The following UTRN variants were observed in gnomAD, a reference collection of about 807,000 sequenced individuals.
UTRN encodes the protein utrophin.
Under a neutral mutation model 463.9 loss-of-function variants are expected in UTRN, and 283 were observed. The ratio of observed to expected loss-of-function variants is 0.61; its 90% CI spans 0.55 to 0.67. The LOEUF (loss-of-function observed/expected upper bound fraction) is 0.67. Among genes scored for constraint, UTRN ranks in the 30% least tolerant of loss-of-function variants. The pLI, the probability that UTRN is intolerant of heterozygous loss-of-function variation, is 0.00. For synonymous variants in UTRN, 1,442 were observed against 1,431.5 expected (o/e 1.01, Z -0.17); for missense variants, 3,922 against 4,084.3 (o/e 0.96, Z 1.08).
intron 3 of UTRN, among the ~76,000 whole-genome samples, chr6:144,418,754 A>T (rs922209754): frequency 1.3e-5 from 2 of 150,748 alleles, no homozygotes; most frequent in African/African-American, 4.9e-5. Context: ...GGGTTTTGCC[A>T]CATTGGCCAG....
intron 51 of UTRN, among the ~76,000 whole-genome samples, chr6:144,577,509 AT>A (rs1426474694): frequency 1.3e-5 from 2 of 152,156 alleles, no homozygotes; most frequent in Non-Finnish European, 2.9e-5. Flanking sequence ...GGAAGTAATA[AT>A]TGTTTATTTA....
chr6:144,570,168 T>C (rs771372541), intron 50 of UTRN, among the ~76,000 whole-genome samples: 1 of 151,874 alleles, frequency 6.6e-6, no homozygotes, highest in Non-Finnish European at 1.5e-5. Flanking sequence ...TTTTGGAAAG[T>C]GTTTGCACCC....
chr6:144,480,366 G>T (rs767653265), intron 26 of UTRN, among the ~76,000 whole-genome samples: 1 of 152,138 alleles, frequency 6.6e-6, no homozygotes, highest in Non-Finnish European at 1.5e-5. Context: ...CAATCCAGTG[G>T]CATTAATTGC....
intron 65 of UTRN, among the ~76,000 whole-genome samples, chr6:144,816,565 G>A (rs1201764882): frequency 1.3e-5 from 2 of 151,956 alleles, no homozygotes; most frequent in Non-Finnish European, 2.9e-5. Flanking sequence ...ACAAATGGCT[G>A]TCTCTGGATG....
Position 144,473,342 on chromosome 6 carries a change from T to C in UTRN, c.3067-378T>C, listed in dbSNP as rs1467980322. ...CCGTGCTATTTGTTTATTCCTGCTC[T>C]GAGTTACTAACTTTAGAGAAAAATT... On this transcript the variant is annotated intron_variant, in intron 23 of 74. Coordinates refer to ENST00000367545, the MANE Select transcript of UTRN (RefSeq NM_007124.3). Among the ~76,000 whole-genome samples the C allele has an allele frequency of 5.3e-5, 8 of 152,242 alleles. No homozygotes were observed. In the South Asian group the frequency reaches 8.3e-4, roughly 16 times the overall value.
At chr6:144,675,067 C>T (rs1781453746) in intron 51 of UTRN, among the ~76,000 whole-genome samples, 1 of 152,120 alleles carries the variant, frequency 6.6e-6, no homozygotes, top group African/African-American at 2.4e-5. Context: ...TTTAGTTCCC[C>T]TTCTCATTTG....
intron 54 of UTRN, among the ~76,000 whole-genome samples, chr6:144,740,681 G>A (rs986254700): frequency 1.3e-5 from 2 of 152,138 alleles, no homozygotes; most frequent in Non-Finnish European, 2.9e-5. Context: ...AATGCATCTA[G>A]TCTTCAACTT....
intron 51 of UTRN, among the ~76,000 whole-genome samples, chr6:144,671,785 G>A (rs1000485249): frequency 6.6e-6 from 1 of 152,006 alleles, no homozygotes; most frequent in Admixed American, 6.6e-5. Context: ...TATAATGTTG[G>A]CTGTGAATTC....
intron 65 of UTRN, among the ~76,000 whole-genome samples, chr6:144,805,537 G>A (rs960244363): frequency 3.3e-5 from 5 of 152,162 alleles, no homozygotes; most frequent in African/African-American, 7.2e-5. Context: ...AAAGGTTAGC[G>A]TGATTGGGCT....
intron 51 of UTRN, among the ~76,000 whole-genome samples, chr6:144,649,653 A>G (rs1778609841): frequency 6.6e-6 from 1 of 152,220 alleles, no homozygotes; most frequent in Non-Finnish European, 1.5e-5. Flanking sequence ...TAAGCCGGGA[A>G]CTTAAAGGGA....
At chr6:144,295,781 T>C (rs2114518933) in intron 2 of UTRN, among the ~76,000 whole-genome samples, 1 of 152,342 alleles carries the variant, frequency 6.6e-6, no homozygotes, top group Admixed American at 6.5e-5. Context: ...GATGTGGTGC[T>C]AACAGTTTAA....
intron 50 of UTRN, among the ~76,000 whole-genome samples, chr6:144,565,894 G>A (rs934257580): frequency 6.6e-6 from 1 of 152,040 alleles, no homozygotes; most frequent in African/African-American, 2.4e-5. Flanking sequence ...CTTAGTGTGG[G>A]GGCTGTAAGG....
intron 2 of UTRN, among the ~76,000 whole-genome samples, chr6:144,326,697 T>A (rs1775994205): frequency 6.6e-6 from 1 of 152,192 alleles, no homozygotes; most frequent in African/African-American, 2.4e-5. Context: ...ACACCACTTT[T>A]AATAGTAAGT....
intron 61 of UTRN, among the ~76,000 whole-genome samples, chr6:144,783,490 A>G (rs1311489237): frequency 6.6e-6 from 1 of 152,182 alleles, no homozygotes; most frequent in Non-Finnish European, 1.5e-5. Flanking sequence ...ACACAGTGAT[A>G]TTTCAATACA....
chr6:144,362,952 T>C (rs891779802), intron 2 of UTRN, among the ~76,000 whole-genome samples: 15 of 152,200 alleles, frequency 9.9e-5, no homozygotes, highest in African/African-American at 3.4e-4. Context: ...AAGTGCTCAG[T>C]TTCTCTTAGG....
At chr6:144,330,368 GTAT>G (rs1197925202) in intron 2 of UTRN, among the ~76,000 whole-genome samples, 1 of 152,188 alleles carries the variant, frequency 6.6e-6, no homozygotes, top group East Asian at 1.9e-4. Context: ...TTGAGGGCAT[GTAT>G]TATTTAGTGC....
At chr6:144,463,111 T>C (rs1309304050) in intron 23 of UTRN, among the ~76,000 whole-genome samples, 1 of 152,154 alleles carries the variant, frequency 6.6e-6, no homozygotes, top group African/African-American at 2.4e-5. Flanking sequence ...GAAAATTGCT[T>C]AAAAATGGTC....
chr6:144,786,601 C>T lies in UTRN; in HGVS notation c.8835-2593C>T, dbSNP rs11155374. ...GCCGGGCCTGAATGTGTCTTATCTCCGATGCTCACACCCCTGCCTCTGTGC... is the reference window on the plus strand; with the variant it reads ...GCCGGGCCTGAATGTGTCTTATCTCTGATGCTCACACCCCTGCCTCTGTGC... On this transcript the variant is annotated intron_variant, in intron 61 of 74. Transcript: ENST00000367545. Among the ~76,000 whole-genome samples, 486 of 152,052 alleles carry T rather than the reference C, an allele frequency of 3.2e-3. 18 individuals are homozygous for T. The East Asian group carries it at 0.077, about 24-fold the overall frequency.
intron 51 of UTRN, chr6:144,660,084 C>A: frequency 5.1e-6 from 2 of 393,248 alleles, no homozygotes; most frequent in South Asian, 3.9e-5. Flanking sequence ...GCTGATGGAC[C>A]ATAGCTCAAG....
Sources: gnomAD v4.1 joint callset for allele counts (sites outside exome capture counted in the v4.1 genomes callset) on GRCh38, gnomAD v4.1.1 for gene constraint, MANE v1.5 for transcripts, NCBI Gene and HGNC (gene_info 2026-07-23, HGNC 2026-07-21) for gene names.